VWC2L: variants seen among roughly 807,000 people sequenced by gnomAD.
VWC2L encodes the protein von Willebrand factor C domain containing 2 like, also known as von Willebrand factor C domain-containing protein 2-like.
In VWC2L, 10 loss-of-function variants were observed where a neutral mutation model predicts 21.6. The observed-to-expected ratio is 0.46, with a 90% CI of 0.29 to 0.78. The LOEUF (loss-of-function observed/expected upper bound fraction) is 0.78, where lower values mean the gene tolerates loss of function less well. Among genes scored for constraint, VWC2L ranks in the 30% least tolerant of loss-of-function variants. The pLI is 0.10. For synonymous variants in VWC2L, 96 were observed against 94.3 expected (o/e 1.02, Z -0.10); for missense variants, 209 against 277.1 (o/e 0.75, Z 1.74).
chr2:214,465,183 C>T (rs1233520498), intron 3 of VWC2L, among the ~76,000 whole-genome samples: 2 of 152,158 alleles, frequency 1.3e-5, no homozygotes, highest in East Asian at 1.9e-4. Flanking sequence ...CTTCCCTCTC[C>T]TTTCCTCAGG....
intron 3 of VWC2L, among the ~76,000 whole-genome samples, chr2:214,558,039 T>C (rs997873187): frequency 1.3e-5 from 2 of 152,216 alleles, no homozygotes; most frequent in African/African-American, 2.4e-5. Context: ...TCCGCAGACA[T>C]TGTACTTGTC....
At chr2:214,488,323 C>T (rs1688699210) in intron 3 of VWC2L, among the ~76,000 whole-genome samples, 1 of 152,210 alleles carries the variant, frequency 6.6e-6, no homozygotes, top group Non-Finnish European at 1.5e-5. Flanking sequence ...CAAGGCTGGG[C>T]ATGGTGGTTC....
At chr2:214,542,017 A>G (rs1689636145) in intron 3 of VWC2L, among the ~76,000 whole-genome samples, 1 of 151,590 alleles carries the variant, frequency 6.6e-6, no homozygotes, top group Admixed American at 6.6e-5. Context: ...TTTATTTTTG[A>G]TCACGTGGAT....
At chr2:214,530,560 T>C (rs912717036) in intron 3 of VWC2L, among the ~76,000 whole-genome samples, 1 of 152,104 alleles carries the variant, frequency 6.6e-6, no homozygotes, top group Non-Finnish European at 1.5e-5. Context: ...TCCTGATTCA[T>C]GGGCTCACAC....
At chr2:214,553,924 G>A (rs1015492441) in intron 3 of VWC2L, among the ~76,000 whole-genome samples, 2 of 152,094 alleles carry the variant, frequency 1.3e-5, no homozygotes, top group African/African-American at 4.8e-5. Context: ...GTAGAACCTG[G>A]CCACAGCCTC....
intron 3 of VWC2L, among the ~76,000 whole-genome samples, chr2:214,574,947 G>T (rs1310075415): frequency 6.6e-6 from 1 of 150,640 alleles, no homozygotes; most frequent in Non-Finnish European, 1.5e-5. Flanking sequence ...AATGAGCAGG[G>T]GACATTTTCA....
At chr2:214,555,476 T>A (rs1689859803) in intron 3 of VWC2L, among the ~76,000 whole-genome samples, 1 of 152,232 alleles carries the variant, frequency 6.6e-6, no homozygotes, top group African/African-American at 2.4e-5. Context: ...TGGAAATACA[T>A]CTTATTATCA....
intron 3 of VWC2L, among the ~76,000 whole-genome samples, chr2:214,461,339 G>A (rs755487801): frequency 8.5e-5 from 13 of 152,174 alleles, no homozygotes; most frequent in Non-Finnish European, 1.8e-4. Context: ...GGCAATGGCA[G>A]TAGCAGTGAT....
chr2:214,460,106 C>A (rs546373737), intron 3 of VWC2L, among the ~76,000 whole-genome samples: 1 of 152,094 alleles, frequency 6.6e-6, no homozygotes, highest in South Asian at 2.1e-4. Flanking sequence ...CAGGGTTTCA[C>A]CGTGTTGGCC....
At chr2:214,490,998 T>C (rs555236667) in intron 3 of VWC2L, among the ~76,000 whole-genome samples, 320 of 152,268 alleles carry the variant, frequency 2.1e-3, no homozygotes, top group Non-Finnish European at 3.1e-3. Context: ...CATTCATAGA[T>C]ACAGAAAACA....
At chr2:214,547,809 C>T (rs1483380168) in intron 3 of VWC2L, among the ~76,000 whole-genome samples, 15 of 152,122 alleles carry the variant, frequency 9.9e-5, no homozygotes, top group Admixed American at 9.8e-4. Flanking sequence ...CTTGCGATGA[C>T]TTTATCAATT....
chr2:214,570,550 T>C (rs115734832), intron 3 of VWC2L, among the ~76,000 whole-genome samples: 6,823 of 152,066 alleles, frequency 0.045, 518 homozygotes, highest in African/African-American at 0.16. Context: ...TTTTTCATAG[T>C]GATGGGGTTT....
chr2:214,449,323 T>A (rs1482738303), intron 3 of VWC2L, among the ~76,000 whole-genome samples: 1 of 152,072 alleles, frequency 6.6e-6, no homozygotes, highest in African/African-American at 2.4e-5. Context: ...TTGGACTTTT[T>A]AAGAGGTTAC....
chr2:214,552,104 C>T (rs370579069), intron 3 of VWC2L, among the ~76,000 whole-genome samples: 25 of 152,306 alleles, frequency 1.6e-4, no homozygotes, highest in African/African-American at 4.6e-4. Context: ...GCTGCTGGTC[C>T]GGAGATCAGC....
At chr2:214,491,148 A>C (rs1294182429) in intron 3 of VWC2L, among the ~76,000 whole-genome samples, 1 of 152,200 alleles carries the variant, frequency 6.6e-6, no homozygotes, top group Admixed American at 6.5e-5. Flanking sequence ...ACTGAATTAT[A>C]CACTTTAAAA....
At chr2:214,425,016 C>T (rs1277834149) in intron 2 of VWC2L, among the ~76,000 whole-genome samples, 1 of 152,186 alleles carries the variant, frequency 6.6e-6, no homozygotes, top group Non-Finnish European at 1.5e-5. Context: ...AGTTCACAAT[C>T]CATTTTATTA....
chr2:214,482,497 A>ATG, intron 3 of VWC2L, among the ~76,000 whole-genome samples: 1 of 151,214 alleles, frequency 6.6e-6, no homozygotes, highest in African/African-American at 2.4e-5. Flanking sequence ...GTATGTATGT[A>ATG]TATATATGTG....
intron 1 of VWC2L, among the ~76,000 whole-genome samples, chr2:214,412,241 T>C (rs1350125312): frequency 2.0e-5 from 3 of 152,136 alleles, no homozygotes; most frequent in African/African-American, 7.2e-5. Context: ...GATCATTTTC[T>C]GCCTATGTCC....
At chr2:214,423,620 C>G (rs780127996) in intron 2 of VWC2L, among the ~76,000 whole-genome samples, 2 of 151,928 alleles carry the variant, frequency 1.3e-5, no homozygotes, top group Non-Finnish European at 2.9e-5. Context: ...TAGACAAGAA[C>G]AATAAAATAC....
Sources: gnomAD v4.1 joint callset for allele counts (sites outside exome capture counted in the v4.1 genomes callset) on GRCh38, gnomAD v4.1.1 for gene constraint, MANE v1.5 for transcripts, NCBI Gene and HGNC (gene_info 2026-07-23, HGNC 2026-07-21) for gene names.